CEP128: variants seen among roughly 807,000 people sequenced by gnomAD.
The protein encoded by CEP128 is centrosomal protein 128.
In CEP128, 132 loss-of-function variants were observed where a neutral mutation model predicts 156.7. The ratio of observed to expected loss-of-function variants is 0.84; its 90% CI spans 0.73 to 0.97. The LOEUF (loss-of-function observed/expected upper bound fraction) is 0.97. Among genes scored for constraint, CEP128 ranks in the 50% least tolerant of loss-of-function variants. CEP128 has a pLI of 0.00. For synonymous variants in CEP128, 469 were observed against 448.9 expected, an observed-to-expected ratio of 1.04 and a Z score of -0.57; for missense variants, 1,252 against 1,281.9, an observed-to-expected ratio of 0.98 and a Z score of 0.36.
At chr14:80,717,989 G>GTGTGTA (rs201148721) in intron 19 of CEP128, among the ~76,000 whole-genome samples, 4,771 of 151,958 alleles carry the variant, frequency 0.031, 86 homozygotes, top group African/African-American at 0.041. Context: ...TAACTTGTGT[G>GTGTGTA]TGTGTATGTG....
In CEP128 at chr14:80,783,639, T is replaced by C. The variant is rs1901242335; in HGVS notation, c.2211+1256A>G. ...TCTCCATATCCCAAACTCTACTTTC[T>C]ATATTCATCAACTCTAAAAGATTAC... On this transcript the variant is annotated intron_variant, in intron 15 of 24. Transcript: ENST00000555265. 1.3e-5 allele frequency among the ~76,000 whole-genome samples: 2 copies of C among 152,228 alleles called. 1 individual carries two copies. The highest frequency in any genetic ancestry group is 4.8e-5 in the African/African-American group (2 of 41,468).
chr14:80,800,651 A>G (rs1883787958), intron 13 of CEP128, among the ~76,000 whole-genome samples: 1 of 152,210 alleles, frequency 6.6e-6, no homozygotes, highest in South Asian at 2.1e-4. Context: ...CTTGATGCAG[A>G]GGTGTTTCCT....
At chr14:80,500,922 G>A (rs1259576135) in intron 24 of CEP128, among the ~76,000 whole-genome samples, 2 of 151,642 alleles carry the variant, frequency 1.3e-5, no homozygotes, top group Non-Finnish European at 2.9e-5. Flanking sequence ...TTTTCCTCCT[G>A]GGTTTATTAA....
intron 14 of CEP128, chr14:80,478,435 G>A (rs1270928281): frequency 6.6e-6 from 1 of 152,088 alleles, no homozygotes; most frequent in Non-Finnish European, 1.5e-5. Context: ...AAACTCATTG[G>A]TGTCATTGAT....
rs140554288 is a variant in CEP128 at position 80,670,139 on chromosome 14, C to A, written c.2806+72936G>T. Among the ~76,000 whole-genome samples, 358 of 152,288 alleles carry A rather than the reference C, an allele frequency of 2.4e-3. 2 individuals carry two copies. Among genetic ancestry groups the A allele is most frequent in the African/African-American group, 7.5e-3 (310 of 41,542 alleles). On this transcript the variant is annotated intron_variant, in intron 19 of 24. Coordinates refer to ENST00000555265, the MANE Select transcript of CEP128 (RefSeq NM_152446.5). ...CACTAAACCATTCATGAGAAATCCA[C>A]CCCCATGATACAATCACCTCCTACC...
At chr14:80,867,436 A>C (rs1449869320) in intron 8 of CEP128, among the ~76,000 whole-genome samples, 3 of 152,222 alleles carry the variant, frequency 2.0e-5, no homozygotes, top group Non-Finnish European at 2.9e-5. Context: ...GAAACCATAG[A>C]GAGCAAAACT....
intron 13 of CEP128, among the ~76,000 whole-genome samples, chr14:80,817,773 CG>C (rs1884946502): frequency 6.6e-6 from 1 of 151,432 alleles, no homozygotes; most frequent in Non-Finnish European, 1.5e-5. Context: ...CCTGGCTACT[CG>C]GGAGGCTGAG....
intron 19 of CEP128, among the ~76,000 whole-genome samples, chr14:80,711,293 T>C (rs1237854112): frequency 9.8e-6 from 1 of 102,324 alleles, no homozygotes; most frequent in Non-Finnish European, 1.9e-5. Flanking sequence ...TATAAGACTA[T>C]GTTGTGTGTG....
intron 13 of CEP128, among the ~76,000 whole-genome samples, chr14:80,812,431 T>G (rs1292522521): frequency 2.0e-5 from 3 of 152,220 alleles, no homozygotes; most frequent in Admixed American, 6.5e-5. Context: ...GTAATGGGAT[T>G]TCTGGGTTTA....
At chr14:80,637,267 G>C (rs1260294388) in intron 19 of CEP128, among the ~76,000 whole-genome samples, 1 of 152,018 alleles carries the variant, frequency 6.6e-6, no homozygotes, top group Non-Finnish European at 1.5e-5. Context: ...TTATGCAAGG[G>C]GATATTAAGG....
intron 19 of CEP128, among the ~76,000 whole-genome samples, chr14:80,720,463 A>C (rs1341038695): frequency 6.6e-6 from 1 of 152,196 alleles, no homozygotes. Flanking sequence ...GCCAAGCCAC[A>C]TTCTACAAAG....
intron 4 of CEP128, among the ~76,000 whole-genome samples, chr14:80,913,953 G>C (rs1315249361): frequency 2.0e-5 from 3 of 152,134 alleles, no homozygotes; most frequent in South Asian, 2.1e-4. Context: ...GGCTTTGAGA[G>C]AGGATTTTTT....
chr14:80,907,707 A>C (rs1398890831), intron 4 of CEP128, among the ~76,000 whole-genome samples: 1 of 151,650 alleles, frequency 6.6e-6, no homozygotes, highest in South Asian at 2.1e-4. Flanking sequence ...AAAACATACT[A>C]TGAGGCCCAG....
intron 19 of CEP128, among the ~76,000 whole-genome samples, chr14:80,581,162 A>G (rs372428567): frequency 1.3e-5 from 2 of 152,322 alleles, no homozygotes; most frequent in African/African-American, 4.8e-5. Flanking sequence ...TTCTGCCTGC[A>G]GCTATACCAC....
chr14:80,942,854 G>A (rs1408064789), upstream of CEP128, among the ~76,000 whole-genome samples: 2 of 151,518 alleles, frequency 1.3e-5, no homozygotes, highest in Non-Finnish European at 2.9e-5. Flanking sequence ...AACAGGCAGA[G>A]TCATAAATAA....
Position 80,862,790 on chromosome 14 carries a change from A to T in CEP128, c.729T>A (p.Asp243Glu). The T allele has an allele frequency of 1.2e-6, 2 of 1,613,836 alleles. No homozygotes were observed. The highest frequency in any genetic ancestry group is 1.7e-6 in the Non-Finnish European group (2 of 1,179,756). The change falls in exon 9 of 25, where the codon GAT becomes GAA. Residue 243 changes from aspartate to glutamate, a missense_variant. By Grantham distance (45) the Asp-to-Glu change is conservative. Coordinates refer to ENST00000555265, the MANE Select transcript of CEP128 (RefSeq NM_152446.5). ...GCTGCAGGGACATGAGTCCCAGTTG[A>T]TCCTGGCGTCTTTCCACCAGCTCCC... is the stretch of plus-strand genomic sequence containing the variant. ...TERELVERRQ[D>E]QLGLMSLQLQ...
chr14:80,520,240 G>A (rs770496033), intron 23 of CEP128, among the ~76,000 whole-genome samples: 5 of 152,064 alleles, frequency 3.3e-5, no homozygotes, highest in Non-Finnish European at 5.9e-5. Context: ...CCAACATGGT[G>A]AAACCCCATC....
At chr14:80,944,822 C>CAAAAAAAAAAAAAAAAAAA (rs55662141), upstream of CEP128, among the ~76,000 whole-genome samples, 8 of 34,650 alleles carry the variant, frequency 2.3e-4, no homozygotes, top group Non-Finnish European at 4.1e-4. Context: ...GAGTCTGTCT[C>CAAAAAAAAAAAAAAAAAAA]AAAAAAAAAA....
chr14:80,599,530 C>T (rs1892494516), intron 19 of CEP128, among the ~76,000 whole-genome samples: 1 of 151,976 alleles, frequency 6.6e-6, no homozygotes, highest in Non-Finnish European at 1.5e-5. Context: ...CCGCCTTAGC[C>T]TCCCAAAGTG....
Sources: gnomAD v4.1 joint callset for allele counts (sites outside exome capture counted in the v4.1 genomes callset) on GRCh38, gnomAD v4.1.1 for gene constraint, MANE v1.5 for transcripts, NCBI Gene and HGNC (gene_info 2026-07-23, HGNC 2026-07-21) for gene names.